Variants in CDH1 observed in about 807,000 individuals in gnomAD.
CDH1 encodes the protein cadherin 1, also known as cadherin-1.
Under a neutral mutation model 84.5 loss-of-function variants are expected in CDH1, and 35 were observed. The observed-to-expected ratio is 0.41, with a 90% confidence interval of 0.32 to 0.55. The LOEUF (loss-of-function observed/expected upper bound fraction) is 0.55, where lower values mean the gene tolerates loss of function less well. Among genes scored for constraint, CDH1 ranks in the 20% least tolerant of loss-of-function variants. The pLI is 0.19. For missense variants in CDH1, 994 were observed against 1,126.6 expected (o/e 0.88, Z 1.68); for synonymous variants, 417 against 439.0 (o/e 0.95, Z 0.63).
intron 15 of CDH1, among the ~76,000 whole-genome samples, chr16:68,830,427 C>G (rs1024347829): frequency 6.6e-6 from 1 of 152,128 alleles, no homozygotes; most frequent in Non-Finnish European, 1.5e-5. Context: ...ATTTACTTCC[C>G]TTGCCTCCCA....
chr16:68,741,606 A>C (rs2152115356), intron 2 of CDH1, among the ~76,000 whole-genome samples: 1 of 149,638 alleles, frequency 6.7e-6, no homozygotes, highest in Admixed American at 6.7e-5. Context: ...CCTTGTATTT[A>C]TTCCATTGGT....
chr16:68,783,493 A>T (rs560306257), intron 2 of CDH1, among the ~76,000 whole-genome samples: 1 of 152,276 alleles, frequency 6.6e-6, no homozygotes, highest in South Asian at 2.1e-4. Flanking sequence ...AGAGCCTAAA[A>T]GTGTCTGCCT....
At chr16:68,813,251 T>G in intron 8 of CDH1, 62 bp from the exon 9 acceptor site, 7 of 1,524,448 alleles carry the variant, frequency 4.6e-6, no homozygotes, top group Non-Finnish European at 5.5e-6. Flanking sequence ...TTTAGCCCCC[T>G]GAGACTCAGC....
chr16:68,775,386 A>G (rs1441569588), intron 2 of CDH1, among the ~76,000 whole-genome samples: 4 of 152,152 alleles, frequency 2.6e-5, no homozygotes, highest in Non-Finnish European at 5.9e-5. Flanking sequence ...CCATGCCAAG[A>G]ATGTCTTGTG....
rs11396600 is a variant in CDH1 at position 68,760,266 on chromosome 16, AT to A, written c.163+21875del. Among the ~76,000 whole-genome samples, 688 of 97,964 alleles carry A rather than the reference AT, an allele frequency of 7.0e-3. 6 individuals are homozygous for A. The highest frequency in any genetic ancestry group is 0.025 in the African/African-American group (616 of 25,026). 64.3% of individuals were successfully genotyped at this position (97,964 alleles called of 152,430 possible). ...AGGTGCCCAACACCACGCCCAGCTA[AT>A]TTTTTTTTTTTTTTTTTTTGCATTT... On this transcript the variant is annotated intron_variant, in intron 2 of 15. Transcript: ENST00000261769.
At chr16:68,782,145 AC>A (rs561634583) in intron 2 of CDH1, among the ~76,000 whole-genome samples, 37 of 151,786 alleles carry the variant, frequency 2.4e-4, no homozygotes, top group Non-Finnish European at 3.7e-4. Flanking sequence ...CTCCACAGGC[AC>A]CCCCCACAGG....
rs587781311 is a variant in CDH1, at chr16:68,829,694, G to A, written c.2336G>A (p.Arg779Gln). Residue 779 changes from arginine to glutamine, a missense_variant, in exon 15 of 16, where the codon CGG becomes CAG. Transcript: ENST00000261769. ...LSQLHRGLDA[R>Q]PEVTRNDVAP... ...CAGCTGCACAGGGGCCTGGACGCTC[G>A]GCCTGAAGTGACTCGTAACGACGTT... 2.9e-5 allele frequency: 47 copies of A among 1,613,940 alleles called. 1 individual carries two copies. The highest frequency in any genetic ancestry group is 3.3e-5 in the Admixed American group (2 of 60,004).
chr16:68,784,056 T>G (rs1401160813), intron 2 of CDH1, among the ~76,000 whole-genome samples: 1 of 152,186 alleles, frequency 6.6e-6, no homozygotes, highest in Non-Finnish European at 1.5e-5. Context: ...GTCAATGATG[T>G]GTCTATCTTT....
intron 2 of CDH1, among the ~76,000 whole-genome samples, chr16:68,750,349 C>T (rs764201164): frequency 1.3e-5 from 2 of 151,188 alleles, no homozygotes; most frequent in Non-Finnish European, 1.5e-5. Context: ...ACAGGGAAAC[C>T]GCCTTAAAGA....
chr16:68,782,592 G>A (rs1183397263), intron 2 of CDH1, among the ~76,000 whole-genome samples: 1 of 152,188 alleles, frequency 6.6e-6, no homozygotes, highest in Non-Finnish European at 1.5e-5. Flanking sequence ...TGCTCTATGA[G>A]GCAGCACCTG....
intron 2 of CDH1, among the ~76,000 whole-genome samples, chr16:68,786,534 C>CTTTTTTT (rs3074434): frequency 0.013 from 933 of 73,892 alleles, 46 homozygotes; most frequent in African/African-American, 0.016. Context: ...TTTTTTTTTT[C>CTTTTTTT]TTTTTTTTTT....
At chr16:68,739,906 C>T (rs1041389244) in intron 2 of CDH1, among the ~76,000 whole-genome samples, 9 of 152,082 alleles carry the variant, frequency 5.9e-5, no homozygotes, top group African/African-American at 1.7e-4. Context: ...TGAGCCAGCA[C>T]GCCTGGCCAG....
chr16:68,832,542 G>A (rs1380019980), intron 15 of CDH1, among the ~76,000 whole-genome samples: 3 of 151,840 alleles, frequency 2.0e-5, no homozygotes, highest in African/African-American at 7.3e-5. Context: ...AGAAAAGGCC[G>A]GGTGCAGTGG....
At chr16:68,748,143 G>A (rs1349233503) in intron 2 of CDH1, among the ~76,000 whole-genome samples, 2 of 118,510 alleles carry the variant, frequency 1.7e-5, no homozygotes, top group South Asian at 2.5e-4. Context: ...ACAGAGTTTC[G>A]CTCTCATTGC....
intron 2 of CDH1, among the ~76,000 whole-genome samples, chr16:68,774,616 A>G (rs1051096262): frequency 6.6e-6 from 1 of 151,836 alleles, no homozygotes; most frequent in African/African-American, 2.4e-5. Context: ...ATACCCTGTC[A>G]TAAATAAAAT....
At chr16:68,823,747 A>T in intron 13 of CDH1, 121 bp downstream of exon 13, 1 of 692,882 alleles carries the variant, frequency 1.4e-6, no homozygotes, top group East Asian at 2.7e-5. Context: ...TGGGAAAGAG[A>T]CTCCCAAGTT....
At position 68,770,594 on chromosome 16, in the gene CDH1, G is replaced by A. The variant is rs376078603; in HGVS notation, c.164-31076G>A. Among the ~76,000 whole-genome samples the A allele has an allele frequency of 5.9e-5, 9 of 151,942 alleles. No homozygotes were observed. The South Asian group carries it at 1.7e-3, about 28-fold the overall frequency. On this transcript the variant is annotated intron_variant, in intron 2 of 15. Coordinates refer to ENST00000261769, the MANE Select transcript of CDH1 (RefSeq NM_004360.5). ...CTAGAAGGATGTAAAGCAGTGAAAC[G>A]GGGTAGGGAGTGCCTGGGGTAGTGG...
At chr16:68,819,485 C>T (rs1039987337) in intron 11 of CDH1, 60 bp downstream of exon 11, 1 of 1,526,226 alleles carries the variant, frequency 6.6e-7, no homozygotes, top group African/African-American at 1.4e-5. Context: ...CAGTTCCTTG[C>T]CCCTCCCTTC....
rs1961559182 is a variant in CDH1 at position 68,833,727 on chromosome 16, A to G, written c.*228A>G. On this transcript the variant is annotated 3_prime_UTR_variant, in exon 16 of 16. Transcript: ENST00000261769. The stretch of plus-strand genomic sequence containing the variant: ...TTAAAGCTTTTTTTTTTTTCCCATC[A>G]CTCTTTACATGGTGGTGATGTCCAA... The G allele has an allele frequency of 7.3e-6, 4 of 544,556 alleles. No homozygotes were observed. In the East Asian group the frequency reaches 1.2e-4, roughly 17 times the overall value. 33.7% of individuals were successfully genotyped at this position (544,556 alleles called of 1,614,324 possible).
Sources: gnomAD v4.1 joint callset for allele counts (sites outside exome capture counted in the v4.1 genomes callset) on GRCh38, gnomAD v4.1.1 for gene constraint, MANE v1.5 for transcripts, NCBI Gene and HGNC (gene_info 2026-07-23, HGNC 2026-07-21) for gene names.